Variants in PCDHA2 observed in about 807,000 individuals in gnomAD.
PCDHA2 encodes the protein protocadherin alpha-2.
PCDHA2 carries 58 observed loss-of-function variants against 66.0 expected under a neutral mutation model. The observed-to-expected ratio is 0.88, with a 90% CI of 0.71 to 1.09. The LOEUF (loss-of-function observed/expected upper bound fraction) is 1.09. Among genes scored for constraint, PCDHA2 ranks in the 50% least tolerant of loss-of-function variants. The probability of loss-of-function intolerance (pLI) is 0.00; values close to 1 mark genes in which losing one functional copy is unlikely to be tolerated. For synonymous variants in PCDHA2, 634 were observed against 554.0 expected (o/e 1.14, Z -2.03); for missense variants, 1,267 against 1,242.3 (o/e 1.02, Z -0.30).
At chr5:140,885,176 G>A (rs965470861) in intron 1 of PCDHA2, among the ~76,000 whole-genome samples, 1 of 151,510 alleles carries the variant, frequency 6.6e-6, no homozygotes. Context: ...TGTCCTCTAG[G>A]CACATCAGTG....
At position 140,795,158 on chromosome 5, in the gene PCDHA2, G is replaced by A. The variant is rs1554119278; in HGVS notation, c.194G>A (p.Arg65Gln). 1 of 1,614,050 alleles carries A rather than the reference G, an allele frequency of 6.2e-7. No homozygotes were observed. Among genetic ancestry groups the A allele is most frequent in the South Asian group, 1.1e-5 (1 of 91,078 alleles). Residue 65 changes from arginine to glutamine, a missense_variant, in exon 1 of 4, where the codon CGG (arginine) becomes CAG (glutamine). Transcript: ENST00000526136. ...GAGGAGCTGGTGCCGCGCCTGTTCC[G>A]GGTGGCGTCCAAAAGACACGGGGAC... Reference protein sequence around the residue: ...ELEELVPRLFRVASKRHGDLL... With the variant: ...ELEELVPRLFQVASKRHGDLL...
intron 1 of PCDHA2, among the ~76,000 whole-genome samples, chr5:140,941,239 C>CTTTCTTTCT (rs2092936825): frequency 7.4e-6 from 1 of 134,500 alleles, no homozygotes; most frequent in South Asian, 2.4e-4. Context: ...TTCTTTCTTT[C>CTTTCTTTCT]TTTCTTTCTT....
intron 1 of PCDHA2, among the ~76,000 whole-genome samples, chr5:140,933,797 A>G (rs1419925900): frequency 6.6e-6 from 1 of 152,062 alleles, no homozygotes; most frequent in African/African-American, 2.4e-5. Context: ...GAAAATTTTA[A>G]TTGAGATCAA....
chr5:140,905,826 T>C (rs782149349), intron 1 of PCDHA2, among the ~76,000 whole-genome samples: 8 of 152,170 alleles, frequency 5.3e-5, no homozygotes, highest in Non-Finnish European at 7.3e-5. Flanking sequence ...TAGATGTGTA[T>C]ATAAAGGGGA....
In PCDHA2 at chr5:140,857,175, A is replaced by T. The variant is rs149086377; in HGVS notation, c.2388+59823A>T. 3 of 1,598,452 alleles carry T rather than the reference A, an allele frequency of 1.9e-6. 1 individual carries two copies. Among genetic ancestry groups the T allele is most frequent in the Non-Finnish European group, 2.6e-6 (3 of 1,167,876 alleles). On this transcript the variant is annotated intron_variant, in intron 1 of 3. Transcript: ENST00000526136. Reference sequence around the variant, plus strand: ...ATTGCCCTAATCAGCGTTTCTGACCATGATTCAGGAGCCAACGGACAGGTC... The same window carrying T: ...ATTGCCCTAATCAGCGTTTCTGACCTTGATTCAGGAGCCAACGGACAGGTC...
chr5:140,823,937 G>C lies in PCDHA2; in HGVS notation c.2388+26585G>C, dbSNP rs2150130560. On this transcript the variant is annotated intron_variant, in intron 1 of 3. Transcript: ENST00000526136. ...ACGCTGCTGCTGTACACCGCGCTGC[G>C]GTGCTCGGCGCAGCCCACCGAGGCC... 10 of 1,613,906 alleles carry C rather than the reference G, an allele frequency of 6.2e-6. No individual in the cohort carries two copies. In the East Asian group the frequency reaches 2.2e-4, roughly 36 times the overall value.
At position 140,822,525 on chromosome 5, in the gene PCDHA2, G is replaced by T. The variant is rs1479400729; in HGVS notation, c.2388+25173G>T. On this transcript the variant is annotated intron_variant, in intron 1 of 3. Coordinates refer to ENST00000526136, the MANE Select transcript of PCDHA2 (RefSeq NM_018905.3). ...ATAAATCCATTTATAATGTCAGATT[G>T]TTGGAAAATGCACCAAGTGGGACAT... 5.0e-6 allele frequency: 8 copies of T among 1,613,810 alleles called. No homozygotes were observed. In the East Asian group the frequency reaches 1.8e-4, roughly 36 times the overall value.
intron 1 of PCDHA2, chr5:140,928,743 G>C: frequency 6.2e-7 from 1 of 1,614,138 alleles, no homozygotes; most frequent in Non-Finnish European, 8.5e-7. Context: ...ATATAGGTGA[G>C]CTCCGTACTG....
rs1402531454 is a variant in PCDHA2 at position 141,011,521 on chromosome 5, TA to T, written c.*1586del. 1 of 153,804 alleles carries T rather than the reference TA, an allele frequency of 6.5e-6. No individual in the cohort carries two copies. The allele number at this position is 153,804 out of a possible 1,614,324, so 9.5% of individuals were successfully genotyped here. A position where few individuals can be genotyped will look rare whatever the true frequency, so the allele number is the denominator to read the frequency against. ...GTGAAAAAGTGGAGTAGTGTTTTTT[TA>T]ACCATTGTTAATCAGCTTTTGTGTA... On this transcript the variant is annotated 3_prime_UTR_variant, in exon 4 of 4. Coordinates refer to ENST00000526136, the MANE Select transcript of PCDHA2 (RefSeq NM_018905.3).
intron 1 of PCDHA2, among the ~76,000 whole-genome samples, chr5:140,943,274 A>G (rs1179008027): frequency 6.4e-5 from 9 of 141,284 alleles, no homozygotes; most frequent in Non-Finnish European, 1.0e-4. Flanking sequence ...AAAAAAAAAA[A>G]AAAGAAAGAA....
In PCDHA2 at chr5:140,850,310, G is replaced by A. The variant is rs2150478968; in HGVS notation, c.2388+52958G>A. The stretch of plus-strand genomic sequence containing the variant: ...TGGACGCCGACTCGGGCTACAACGC[G>A]TGGCTTTCATACGAGCTGCAGCCAG... On this transcript the variant is annotated intron_variant, in intron 1 of 3. Transcript: ENST00000526136. The A allele has an allele frequency of 1.0e-5, 16 of 1,597,212 alleles. 1 individual carries two copies. Among genetic ancestry groups the A allele is most frequent in the Non-Finnish European group, 1.4e-5 (16 of 1,167,678 alleles).
intron 3 of PCDHA2, among the ~76,000 whole-genome samples, chr5:141,007,295 A>G (rs181235064): frequency 1.6e-3 from 250 of 151,912 alleles, no homozygotes; most frequent in Non-Finnish European, 2.9e-3. Context: ...TCATGCCTGT[A>G]ATCTTAGCAT....
intron 3 of PCDHA2, among the ~76,000 whole-genome samples, chr5:140,984,149 G>C (rs2097089041): frequency 6.6e-6 from 1 of 152,198 alleles, no homozygotes; most frequent in Non-Finnish European, 1.5e-5. Context: ...CATCTGGGAA[G>C]GTGAGAACTT....
chr5:140,858,495 G>T, intron 1 of PCDHA2: 1 of 1,481,630 alleles, frequency 6.7e-7, no homozygotes, highest in Non-Finnish European at 9.2e-7. Flanking sequence ...TTCTCTTACC[G>T]CATTTTCTCA....
rs35184029 is a variant in PCDHA2 at position 140,997,668 on chromosome 5, TTGTGTG to T, written c.2537-11935_2537-11930del. Among the ~76,000 whole-genome samples the T allele has an allele frequency of 3.7e-4, 55 of 148,336 alleles. 1 individual carries two copies. The South Asian group carries it at 5.8e-3, about 16-fold the overall frequency. On this transcript the variant is annotated intron_variant, in intron 3 of 3. Coordinates refer to ENST00000526136, the MANE Select transcript of PCDHA2 (RefSeq NM_018905.3). ...AATGCAATATGTATTATTATACAGC[TTGTGTG>T]TGTGTGTGTGTGTGTGTGTGTGTAT...
chr5:140,965,678 T>C (rs937496921), intron 1 of PCDHA2, among the ~76,000 whole-genome samples: 1 of 152,182 alleles, frequency 6.6e-6, no homozygotes, highest in Non-Finnish European at 1.5e-5. Context: ...ATGTAAAAGA[T>C]TTGAAGCAAG....
Position 140,841,598 on chromosome 5 carries a change from G to T in PCDHA2, c.2388+44246G>T, listed in dbSNP as rs2150318945. 1.9e-6 allele frequency: 3 copies of T among 1,614,142 alleles called. No homozygotes were observed. The South Asian group carries it at 3.3e-5, about 18-fold the overall frequency. On this transcript the variant is annotated intron_variant, in intron 1 of 3. Coordinates refer to ENST00000526136, the MANE Select transcript of PCDHA2 (RefSeq NM_018905.3). ...GTTTGTGAATTCTCGGATCGACCGCGAGGAGCTGTGCGGGCGGAGCGCGGA... is the reference window on the plus strand; with the variant it reads ...GTTTGTGAATTCTCGGATCGACCGCTAGGAGCTGTGCGGGCGGAGCGCGGA...
intron 1 of PCDHA2, among the ~76,000 whole-genome samples, chr5:140,951,923 T>C (rs538525528): frequency 6.6e-6 from 1 of 152,214 alleles, no homozygotes; most frequent in South Asian, 2.1e-4. Flanking sequence ...ACAAGTTAGT[T>C]ACTCCCAAGA....
At chr5:140,913,808 A>T (rs1332519291) in intron 1 of PCDHA2, among the ~76,000 whole-genome samples, 1 of 152,102 alleles carries the variant, frequency 6.6e-6, no homozygotes, top group Non-Finnish European at 1.5e-5. Context: ...TCAAATTTTC[A>T]ATTTCCTTTT....
Sources: allele counts gnomAD v4.1 joint callset (sites outside exome capture counted in the v4.1 genomes callset), GRCh38; gene constraint gnomAD v4.1.1; transcripts MANE v1.5; gene names NCBI Gene and HGNC (gene_info 2026-07-23, HGNC 2026-07-21).